ATL2: variants seen among roughly 807,000 people sequenced by gnomAD.
The protein encoded by ATL2 is atlastin-2.
Under a neutral mutation model 73.9 loss-of-function variants are expected in ATL2, and 31 were observed. The observed-to-expected ratio is 0.42, with a 90% CI of 0.32 to 0.57. The LOEUF is 0.57. Ranked by LOEUF, ATL2 falls within the 20% of genes least tolerant of loss-of-function variation. The pLI is 0.14. For synonymous variants in ATL2, 291 were observed against 237.5 expected, an observed-to-expected ratio of 1.23 and a Z score of -2.07; for missense variants, 738 against 702.6, an observed-to-expected ratio of 1.05 and a Z score of -0.57.
intron 5 of ATL2, among the ~76,000 whole-genome samples, chr2:38,315,082 T>C (rs945670559): frequency 6.6e-6 from 1 of 152,120 alleles, no homozygotes; most frequent in African/African-American, 2.4e-5. Flanking sequence ...TGAAACTTCA[T>C]CTCCACTAAA....
At chr2:38,352,030 T>G (rs1343780916) in intron 1 of ATL2, among the ~76,000 whole-genome samples, 1 of 136,474 alleles carries the variant, frequency 7.3e-6, no homozygotes, top group Non-Finnish European at 1.6e-5. Context: ...GAGAATTGCT[T>G]GAACCCAGGG....
Position 38,370,448 on chromosome 2 carries a change from CAAAAAAAAAAAAAAA to C in ATL2, c.118+6680_118+6694del, listed in dbSNP as rs55964015. Among the ~76,000 whole-genome samples the C allele has an allele frequency of 4.1e-3, 228 of 55,216 alleles. 2 individuals are homozygous for C. The highest frequency in any genetic ancestry group is 7.7e-3 in the African/African-American group (160 of 20,788). The allele number at this position is 55,216 out of a possible 152,430, so 36.2% of individuals were successfully genotyped here. ...TGGGAGACAGAGTGAGACTCTGTCC[CAAAAAAAAAAAAAAA>C]AAAAAAAAAAAAAAAAAAATCAACC... On this transcript the variant is annotated intron_variant, in intron 1 of 12. Coordinates refer to ENST00000378954, the MANE Select transcript of ATL2 (RefSeq NM_001135673.4).
chr2:38,320,407 A>T lies in ATL2; in HGVS notation c.364-1388T>A, dbSNP rs939948788. Among the ~76,000 whole-genome samples, 7 of 152,360 alleles carry T rather than the reference A, an allele frequency of 4.6e-5. No individual in the cohort carries two copies. The East Asian group carries it at 1.3e-3, about 29-fold the overall frequency. ...GGGAGGTAAGGAAAAAAGAGAACAGATAAAACAAGACCAGCAAAATGTTGA... is the reference window on the plus strand; with the variant it reads ...GGGAGGTAAGGAAAAAAGAGAACAGTTAAAACAAGACCAGCAAAATGTTGA... On this transcript the variant is annotated intron_variant, in intron 2 of 12. Transcript: ENST00000378954.
chr2:38,317,712 C>CA (rs1323539795), intron 4 of ATL2, among the ~76,000 whole-genome samples: 3 of 150,934 alleles, frequency 2.0e-5, no homozygotes, highest in Non-Finnish European at 2.9e-5. Flanking sequence ...TTGTTTTAGC[C>CA]AAAAAAACAA....
chr2:38,328,125 T>A (rs960173742), intron 2 of ATL2, among the ~76,000 whole-genome samples: 9 of 152,102 alleles, frequency 5.9e-5, no homozygotes, highest in Non-Finnish European at 1.5e-5. Context: ...GTTTTCAAAA[T>A]AAGGAAACAT....
At chr2:38,366,582 T>C (rs1194504774) in intron 1 of ATL2, among the ~76,000 whole-genome samples, 2 of 152,168 alleles carry the variant, frequency 1.3e-5, no homozygotes, top group Non-Finnish European at 2.9e-5. Context: ...TACCCATTCT[T>C]CAAAGCACGA....
At position 38,365,318 on chromosome 2, in the gene ATL2, TG is replaced by T. The variant is rs564824841; in HGVS notation, c.118+11824del. 5.9e-5 allele frequency among the ~76,000 whole-genome samples: 9 copies of T among 152,306 alleles called. No homozygotes were observed. In the South Asian group the frequency reaches 1.9e-3, roughly 32 times the overall value. ...GAAATTTAGACACTAAGTTCCATTC[TG>T]CCACATCTCTCTACCTCAGATGACT... On this transcript the variant is annotated intron_variant, in intron 1 of 12. Transcript: ENST00000378954.
chr2:38,309,275 CTTTT>C, intron 9 of ATL2, 100 bp downstream of exon 9: 1 of 1,127,516 alleles, frequency 8.9e-7, no homozygotes, highest in East Asian at 2.6e-5. Context: ...AAATCTTACT[CTTTT>C]TTGTTTTAAA....
intron 1 of ATL2, chr2:38,358,691 G>GA (rs113043668): frequency 4.7e-3 from 686 of 145,364 alleles, no homozygotes; most frequent in South Asian, 0.027. Flanking sequence ...GACTCCGTCT[G>GA]AAAAAAAAAA....
At chr2:38,327,386 G>C (rs1668724223) in intron 2 of ATL2, among the ~76,000 whole-genome samples, 1 of 152,032 alleles carries the variant, frequency 6.6e-6, no homozygotes, top group Non-Finnish European at 1.5e-5. Flanking sequence ...AGTGGACTTA[G>C]CTTAGTTGTA....
chr2:38,376,040 A>G (rs1031227883), intron 1 of ATL2: 118 of 1,376,108 alleles, frequency 8.6e-5, no homozygotes, highest in Non-Finnish European at 1.1e-4. Context: ...ACCTTTACAC[A>G]CCGTAAAAAA....
intron 9 of ATL2, among the ~76,000 whole-genome samples, chr2:38,305,058 T>C (rs1418868167): frequency 1.3e-5 from 2 of 150,172 alleles, no homozygotes; most frequent in African/African-American, 5.1e-5. Context: ...TGGAAAAAGA[T>C]ACTCCATGCA....
At chr2:38,334,915 A>AATATATTTATATATTATAATATATAT (rs1669254947) in intron 2 of ATL2, among the ~76,000 whole-genome samples, 1 of 138,802 alleles carries the variant, frequency 7.2e-6, no homozygotes, top group Non-Finnish European at 1.5e-5. Context: ...ATAATATATA[A>AATATATTTATATATTATAATATATAT]ATATATTTAT....
At chr2:38,305,334 C>T (rs755523280) in intron 9 of ATL2, among the ~76,000 whole-genome samples, 1 of 152,042 alleles carries the variant, frequency 6.6e-6, no homozygotes, top group East Asian at 1.9e-4. Flanking sequence ...GACCACTTGA[C>T]GTCAGGAGTT....
upstream of ATL2, chr2:38,377,326 G>A: frequency 2.8e-6 from 4 of 1,407,204 alleles, no homozygotes; most frequent in Non-Finnish European, 3.8e-6. Flanking sequence ...TCAACCTCCC[G>A]GGAGCCGGCG....
intron 2 of ATL2, among the ~76,000 whole-genome samples, chr2:38,327,540 C>CAA (rs56332855): frequency 7.8e-5 from 7 of 89,958 alleles, no homozygotes; most frequent in Admixed American, 3.7e-4. Context: ...AAAAAAAGTA[C>CAA]AAAAAAAAAA....
chr2:38,377,422 T>TCGCCCTCCCTCCGCCCCCGCCC, upstream of ATL2: 1 of 549,492 alleles, frequency 1.8e-6, no homozygotes, highest in Non-Finnish European at 3.1e-6. Context: ...CTGTATCTCC[T>TCGCCCTCCCTCCGCCCCCGCCC]CGCCCTCCCT....
chr2:38,377,948 C>T (rs1440066549), upstream of ATL2, among the ~76,000 whole-genome samples: 1 of 152,186 alleles, frequency 6.6e-6, no homozygotes, highest in Non-Finnish European at 1.5e-5. Context: ...TACCCTGGCC[C>T]TGTGCTCCTA....
chr2:38,324,867 G>A (rs1323198729), intron 2 of ATL2, among the ~76,000 whole-genome samples: 3 of 152,212 alleles, frequency 2.0e-5, no homozygotes, highest in African/African-American at 7.2e-5. Flanking sequence ...AATGGTGGAT[G>A]CCAGGGGATT....
Sources: allele counts gnomAD v4.1 joint callset (sites outside exome capture counted in the v4.1 genomes callset), GRCh38; gene constraint gnomAD v4.1.1; transcripts MANE v1.5; gene names NCBI Gene and HGNC (gene_info 2026-07-23, HGNC 2026-07-21).